HDX: variants seen among roughly 807,000 people sequenced by gnomAD.
HDX encodes chromosome X open reading frame 43.
A neutral mutation model predicts 45.2 loss-of-function variants in HDX; 19 were observed. That is an observed-to-expected ratio of 0.42 (90% CI 0.29 to 0.62). HDX has a LOEUF of 0.62. Ranked by LOEUF, HDX falls within the 20% of genes least tolerant of loss-of-function variation. The pLI, the probability that HDX is intolerant of heterozygous loss-of-function variation, is 0.20. For synonymous variants in HDX, 188 were observed against 172.8 expected (o/e 1.09, Z -0.69); for missense variants, 532 against 493.9 (o/e 1.08, Z -0.73).
intron 5 of HDX, among the ~76,000 whole-genome samples, chrX:84,425,085 C>T (rs1212771228): frequency 9.0e-6 from 1 of 110,598 alleles, no homozygotes; most frequent in Non-Finnish European, 1.9e-5. Flanking sequence ...ATATCAATAA[C>T]CAGAATATAT....
chrX:84,429,955 C>T (rs899980058), intron 5 of HDX, among the ~76,000 whole-genome samples: 8 of 110,622 alleles, frequency 7.2e-5, no homozygotes, highest in Non-Finnish European at 1.1e-4. Context: ...TGATACATTT[C>T]ATGTATAGTG....
chrX:84,364,072 A>AGTTT (rs1190898768), intron 5 of HDX, among the ~76,000 whole-genome samples: 1 of 111,810 alleles, frequency 8.9e-6, no homozygotes, highest in Non-Finnish European at 1.9e-5. Context: ...CACTTCTAAG[A>AGTTT]GTTTGGTTCT....
At chrX:84,497,868 C>G (rs978573113) in intron 1 of HDX, among the ~76,000 whole-genome samples, 1 of 111,223 alleles carries the variant, frequency 9.0e-6, no homozygotes, top group African/African-American at 3.3e-5. Context: ...CCCTCAAATC[C>G]TGGCTTTGCC....
At chrX:84,464,884 A>G (rs2040313325) in intron 4 of HDX, among the ~76,000 whole-genome samples, 2 of 111,974 alleles carry the variant, frequency 1.8e-5, no homozygotes, top group Non-Finnish European at 3.8e-5. Flanking sequence ...CAGAGTGAAC[A>G]GGCAACCTAC....
chrX:84,477,283 C>T (rs2040576535), intron 2 of HDX, among the ~76,000 whole-genome samples: 1 of 111,713 alleles, frequency 9.0e-6, no homozygotes, highest in South Asian at 3.8e-4. Flanking sequence ...CTCTGCAGGG[C>T]TGTACCTACT....
At chrX:84,490,804 T>C (rs892180596) in intron 1 of HDX, among the ~76,000 whole-genome samples, 5 of 111,378 alleles carry the variant, frequency 4.5e-5, no homozygotes, top group African/African-American at 1.6e-4. Flanking sequence ...ATTGCTTTTT[T>C]TATATATAAA....
intron 6 of HDX, among the ~76,000 whole-genome samples, chrX:84,355,234 T>G (rs1243589560): frequency 9.1e-6 from 1 of 110,371 alleles, no homozygotes; most frequent in Non-Finnish European, 1.9e-5. Flanking sequence ...TCATAAAATA[T>G]GTTGATTCTA....
intron 2 of HDX, among the ~76,000 whole-genome samples, chrX:84,476,104 CAAGAT>C (rs370227071): frequency 6.5e-4 from 72 of 110,807 alleles, no homozygotes; most frequent in African/African-American, 2.4e-3. Flanking sequence ...CACAATTTGA[CAAGAT>C]AAGTTAAAAA....
intron 5 of HDX, among the ~76,000 whole-genome samples, chrX:84,394,739 A>G (rs1208863983): frequency 2.0e-5 from 2 of 99,630 alleles, no homozygotes; most frequent in Non-Finnish European, 4.1e-5. Context: ...TCCCTTCATC[A>G]TAATGCAATG....
At chrX:84,399,320 A>T (rs2147950786) in intron 5 of HDX, among the ~76,000 whole-genome samples, 1 of 110,724 alleles carries the variant, frequency 9.0e-6, no homozygotes, top group South Asian at 3.9e-4. Flanking sequence ...CACTAGCTAG[A>T]CTAATAAAGA....
chrX:84,456,764 G>C (rs2040120754), intron 4 of HDX, among the ~76,000 whole-genome samples: 1 of 111,315 alleles, frequency 9.0e-6, no homozygotes, highest in African/African-American at 3.3e-5. Flanking sequence ...AAGACAAAAA[G>C]TATAAAAAGA....
At position 84,443,466 on chromosome X, in the gene HDX, CAA is replaced by C. The variant is rs750466590; in HGVS notation, c.1252-2883_1252-2882del. Among the ~76,000 whole-genome samples, 214 of 111,347 alleles carry C rather than the reference CAA, an allele frequency of 1.9e-3. 2 individuals carry two copies. Among genetic ancestry groups the C allele is most frequent in the Non-Finnish European group, 2.2e-3 (118 of 52,718 alleles). ...ACAAATATATTAGAACATACACATC[CAA>C]AAGAGTGCTGTACATTTCCAAGTAG... On this transcript the variant is annotated intron_variant, in intron 4 of 10. Coordinates refer to ENST00000373177, the MANE Select transcript of HDX (RefSeq NM_001177479.2).
At chrX:84,449,981 G>C (rs1166743748) in intron 4 of HDX, among the ~76,000 whole-genome samples, 1 of 110,562 alleles carries the variant, frequency 9.0e-6, no homozygotes, top group Non-Finnish European at 1.9e-5. Context: ...GGGAGGGATA[G>C]CATTGGGAGA....
intron 9 of HDX, among the ~76,000 whole-genome samples, chrX:84,331,378 GA>G (rs1327540635): frequency 9.0e-6 from 1 of 111,316 alleles, no homozygotes; most frequent in Admixed American, 9.6e-5. Flanking sequence ...CAGTGTAGGG[GA>G]AAAATACAAT....
At chrX:84,444,120 T>TA (rs1298191150) in intron 4 of HDX, among the ~76,000 whole-genome samples, 2 of 109,635 alleles carry the variant, frequency 1.8e-5, no homozygotes, top group African/African-American at 6.6e-5. Context: ...CTAACAGAAA[T>TA]AAAAAACATC....
chrX:84,474,190 G>A (rs1195147207), intron 3 of HDX, among the ~76,000 whole-genome samples: 1 of 111,832 alleles, frequency 8.9e-6, no homozygotes, highest in African/African-American at 3.3e-5. Flanking sequence ...TACTCGGGAG[G>A]CTGAGGCAGG....
At chrX:84,427,818 T>C (rs778602035) in intron 5 of HDX, among the ~76,000 whole-genome samples, 38 of 111,191 alleles carry the variant, frequency 3.4e-4, no homozygotes, top group African/African-American at 1.2e-3. Context: ...GTAAAATACA[T>C]ATCAGTAGAA....
chrX:84,468,360 G>A, intron 4 of HDX, 112 bp downstream of exon 4: 1 of 458,625 alleles, frequency 2.2e-6, no homozygotes, highest in Non-Finnish European at 3.5e-6. Context: ...CCACCACTTT[G>A]AAGCAAAAAT....
intron 4 of HDX, 139 bp downstream of exon 4, chrX:84,468,333 A>G (rs2040392565): frequency 1.0e-5 from 4 of 382,879 alleles, no homozygotes; most frequent in Non-Finnish European, 1.8e-5. Context: ...AAGATTCTTC[A>G]AGGAGTTAAC....
Sources: gnomAD v4.1 joint callset for allele counts (sites outside exome capture counted in the v4.1 genomes callset) on GRCh38, gnomAD v4.1.1 for gene constraint, MANE v1.5 for transcripts, NCBI Gene and HGNC (gene_info 2026-07-23, HGNC 2026-07-21) for gene names.